SRFBP1: variants seen among roughly 807,000 people sequenced by gnomAD.
SRFBP1 encodes the protein serum response factor-binding protein 1.
SRFBP1 carries 47 observed loss-of-function variants against 45.5 expected under a neutral mutation model. That is an observed-to-expected ratio of 1.03 (90% CI 0.82 to 1.32). The LOEUF (loss-of-function observed/expected upper bound fraction) is 1.32, where lower values mean the gene tolerates loss of function less well. SRFBP1 is among the 40% of genes most tolerant of loss of function. The probability of loss-of-function intolerance (pLI) is 0.00; values close to 1 mark genes in which losing one functional copy is unlikely to be tolerated. For synonymous variants in SRFBP1, 203 were observed against 166.3 expected (o/e 1.22, Z -1.70); for missense variants, 621 against 484.6 (o/e 1.28, Z -2.64).
intron 2 of SRFBP1, among the ~76,000 whole-genome samples, chr5:122,040,405 G>T (rs1753756324): frequency 6.6e-6 from 1 of 152,090 alleles, no homozygotes. Context: ...TTTCTCTTCA[G>T]GGGAAAACTT....
At chr5:122,025,720 CTAGA>C (rs1331041057) in intron 7 of SRFBP1, among the ~76,000 whole-genome samples, 1 of 152,102 alleles carries the variant, frequency 6.6e-6, no homozygotes, top group Non-Finnish European at 1.5e-5. Flanking sequence ...TGATTTCTGT[CTAGA>C]TAATGTTTTG....
intron 4 of SRFBP1, among the ~76,000 whole-genome samples, chr5:122,003,918 G>T (rs144686796): frequency 1.6e-4 from 24 of 152,056 alleles, no homozygotes; most frequent in Admixed American, 1.6e-3. Context: ...TTACTTGCTA[G>T]TGAGTTTCCT....
At chr5:122,000,240 GC>G in intron 4 of SRFBP1, among the ~76,000 whole-genome samples, 1 of 151,858 alleles carries the variant, frequency 6.6e-6, no homozygotes. Context: ...CTTCTATTGT[GC>G]CATTGTTGTT....
chr5:121,988,704 T>A (rs1401035471), intron 3 of SRFBP1, among the ~76,000 whole-genome samples: 3 of 152,208 alleles, frequency 2.0e-5, no homozygotes, highest in African/African-American at 7.2e-5. Context: ...GTAAATCACA[T>A]TGTTAACATA....
chr5:121,982,553 T>C (rs1402503471), intron 3 of SRFBP1, among the ~76,000 whole-genome samples: 2 of 151,932 alleles, frequency 1.3e-5, no homozygotes, highest in Non-Finnish European at 2.9e-5. Context: ...TAAGAACATA[T>C]GTGAAAAATA....
intron 4 of SRFBP1, among the ~76,000 whole-genome samples, chr5:122,006,603 TTC>T (rs1224378571): frequency 2.0e-5 from 3 of 152,152 alleles, no homozygotes; most frequent in African/African-American, 7.2e-5. Flanking sequence ...TTTTTCTAAT[TTC>T]TCTCTTCTGA....
chr5:121,980,429 T>C (rs1225537215), intron 3 of SRFBP1, among the ~76,000 whole-genome samples: 1 of 152,214 alleles, frequency 6.6e-6, no homozygotes, highest in African/African-American at 2.4e-5. Flanking sequence ...ACTATGTGAA[T>C]ATCCTGTAGT....
downstream of SRFBP1, among the ~76,000 whole-genome samples, chr5:122,031,238 G>A (rs535064233): frequency 4.6e-5 from 7 of 152,314 alleles, no homozygotes; most frequent in Admixed American, 2.0e-4. Flanking sequence ...AGAAAGGTCA[G>A]TAAACAGCAA....
At chr5:121,971,541 A>G (rs1353139617) in intron 1 of SRFBP1, among the ~76,000 whole-genome samples, 1 of 152,006 alleles carries the variant, frequency 6.6e-6, no homozygotes, top group Non-Finnish European at 1.5e-5. Context: ...AAGAAATGTC[A>G]AGCAGGAAGT....
At chr5:121,983,561 G>A (rs1158558611) in intron 3 of SRFBP1, among the ~76,000 whole-genome samples, 23 of 151,714 alleles carry the variant, frequency 1.5e-4, no homozygotes. Context: ...ATCTGGTAAT[G>A]TTTATGTTTA....
At chr5:122,046,133 G>C (rs540170626) in intron 2 of SRFBP1, among the ~76,000 whole-genome samples, 1 of 151,978 alleles carries the variant, frequency 6.6e-6, no homozygotes, top group Non-Finnish European at 1.5e-5. Flanking sequence ...TGCCATGTTG[G>C]TGTGCTGCAC....
At chr5:122,030,937 T>A (rs185046582), downstream of SRFBP1, among the ~76,000 whole-genome samples, 199 of 152,236 alleles carry the variant, frequency 1.3e-3, no homozygotes, top group Middle Eastern at 0.01. Flanking sequence ...TCAAGGAGAT[T>A]ATGTACATGC....
At chr5:122,032,629 A>G (rs895580172), downstream of SRFBP1, among the ~76,000 whole-genome samples, 5 of 152,226 alleles carry the variant, frequency 3.3e-5, no homozygotes, top group Non-Finnish European at 7.3e-5. Flanking sequence ...ATTGTCTTAT[A>G]GTACTCCACT....
chr5:122,040,669 G>A (rs1361894723), intron 2 of SRFBP1, among the ~76,000 whole-genome samples: 1 of 152,100 alleles, frequency 6.6e-6, no homozygotes, highest in Non-Finnish European at 1.5e-5. Context: ...AGTTGATATC[G>A]TAGGCACCAG....
At chr5:122,015,601 T>C (rs1459423329) in intron 4 of SRFBP1, among the ~76,000 whole-genome samples, 1 of 152,250 alleles carries the variant, frequency 6.6e-6, no homozygotes, top group East Asian at 1.9e-4. Flanking sequence ...TGAATGACTT[T>C]GGCTTTGTTC....
downstream of SRFBP1, chr5:122,078,068 G>A (rs1320728726): frequency 3.1e-6 from 4 of 1,309,144 alleles, no homozygotes; most frequent in Non-Finnish European, 4.0e-6. Context: ...CGTGAGGGAA[G>A]GAGAAATCTT....
intron 3 of SRFBP1, among the ~76,000 whole-genome samples, chr5:121,992,261 A>G (rs139892194): frequency 3.1e-3 from 478 of 152,148 alleles, no homozygotes; most frequent in South Asian, 8.5e-3. Flanking sequence ...CTGTAGGCCA[A>G]CTGCATTCCT....
intron 4 of SRFBP1, among the ~76,000 whole-genome samples, chr5:121,999,444 G>T (rs931481391): frequency 4.0e-5 from 6 of 151,860 alleles, no homozygotes; most frequent in African/African-American, 1.5e-4. Flanking sequence ...ATTCTTTTGG[G>T]ATATCTGTAA....
At chr5:122,055,531 G>A (rs768401849) in intron 2 of SRFBP1, among the ~76,000 whole-genome samples, 12 of 152,196 alleles carry the variant, frequency 7.9e-5, no homozygotes, top group Non-Finnish European at 1.5e-4. Context: ...AAGTTGTCCA[G>A]CATTGTCATG....
Sources: gnomAD v4.1 joint callset for allele counts (sites outside exome capture counted in the v4.1 genomes callset) on GRCh38, gnomAD v4.1.1 for gene constraint, MANE v1.5 for transcripts, NCBI Gene and HGNC (gene_info 2026-07-23, HGNC 2026-07-21) for gene names.